STARD13: variants seen among roughly 807,000 people sequenced by gnomAD.
STARD13 encodes the protein StAR related lipid transfer domain containing 13, also known as stAR-related lipid transfer protein 13.
A neutral mutation model predicts 106.4 loss-of-function variants in STARD13; 62 were observed. That is an observed-to-expected ratio of 0.58 (90% CI 0.48 to 0.72). The LOEUF is 0.72. STARD13 is among the 30% of genes least tolerant of loss of function. STARD13 has a pLI of 0.00. For missense variants in STARD13, 1,387 were observed against 1,424.0 expected (o/e 0.97, Z 0.42); for synonymous variants, 565 against 553.0 (o/e 1.02, Z -0.31).
At chr13:33,163,568 C>T (rs1489847628) in intron 3 of STARD13, among the ~76,000 whole-genome samples, 12 of 116,578 alleles carry the variant, frequency 1.0e-4, no homozygotes, top group East Asian at 4.8e-4. Flanking sequence ...CCAGCCTGGG[C>T]GACAGAGCAA....
At chr13:33,341,735 G>C (rs1282322786) in intron 1 of STARD13, among the ~76,000 whole-genome samples, 2 of 152,124 alleles carry the variant, frequency 1.3e-5, no homozygotes, top group Non-Finnish European at 2.9e-5. Context: ...TGCCCCCCAG[G>C]GTGGGCCAGC....
chr13:33,141,265 A>T (rs1879790778), intron 4 of STARD13, among the ~76,000 whole-genome samples: 1 of 152,210 alleles, frequency 6.6e-6, no homozygotes, highest in African/African-American at 2.4e-5. Flanking sequence ...GACACCTCCG[A>T]GGTAGAAACC....
rs1306498273 is a variant in STARD13 at position 33,129,784 on chromosome 13, A to C, written c.893T>G (p.Phe298Cys). ...TATTTGGATGCACTGCATAGCCTTA[A>C]AGGACTCTGGCTCCTGCTGCAACAT... is the stretch of plus-strand genomic sequence containing the variant. ...GPMLQQEPES[F>C]KAMQCIQIPN... The change falls in exon 5 of 14, where the codon TTT (phenylalanine) becomes TGT (cysteine). Residue 298 changes from phenylalanine (F) to cysteine (C), a missense_variant. Transcript: ENST00000336934. 1 of 1,613,900 alleles carries C rather than the reference A, an allele frequency of 6.2e-7. No individual in the cohort carries two copies. Among genetic ancestry groups the C allele is most frequent in the Admixed American group, 1.7e-5 (1 of 60,016 alleles).
chr13:33,639,382 A>G, the STARD13 span, among the ~76,000 whole-genome samples: 3,049 of 152,316 alleles, frequency 0.02, 96 homozygotes, highest in African/African-American at 0.069. Flanking sequence ...TCAAAGTTGC[A>G]CAAGAACAGC....
intron 1 of STARD13, among the ~76,000 whole-genome samples, chr13:33,315,482 C>T (rs949338013): frequency 3.3e-5 from 5 of 152,102 alleles, no homozygotes; most frequent in African/African-American, 4.8e-5. Context: ...TGAATGGCCA[C>T]CCCCAGAGTG....
At chr13:33,313,465 T>A (rs989296153) in intron 1 of STARD13, among the ~76,000 whole-genome samples, 4 of 152,196 alleles carry the variant, frequency 2.6e-5, no homozygotes, top group Admixed American at 6.5e-5. Context: ...CATATGATGC[T>A]GACCCTTGCC....
the STARD13 span, among the ~76,000 whole-genome samples, chr13:33,536,853 G>C: frequency 6.6e-6 from 1 of 152,190 alleles, no homozygotes; most frequent in South Asian, 2.1e-4. Context: ...CTGGAGCAGA[G>C]TTCAGGTTCC....
At chr13:33,367,992 A>G in the STARD13 span, among the ~76,000 whole-genome samples, 1 of 152,098 alleles carries the variant, frequency 6.6e-6, no homozygotes, top group Non-Finnish European at 1.5e-5. Context: ...TAACTATAAG[A>G]ACTCTCCCCA....
At chr13:33,292,427 CAAA>C (rs58278434) in intron 1 of STARD13, among the ~76,000 whole-genome samples, 1 of 113,184 alleles carries the variant, frequency 8.8e-6, no homozygotes, top group East Asian at 2.5e-4. Flanking sequence ...CCCATCTCTA[CAAA>C]AAAAAAAAAA....
chr13:33,178,798 T>C (rs769891932), intron 1 of STARD13, among the ~76,000 whole-genome samples: 4 of 152,216 alleles, frequency 2.6e-5, no homozygotes, highest in Admixed American at 6.5e-5. Flanking sequence ...TCCTGGTTGC[T>C]GAAGTTTCAA....
At chr13:33,120,406 G>C (rs1876097505) in intron 7 of STARD13, among the ~76,000 whole-genome samples, 1 of 152,050 alleles carries the variant, frequency 6.6e-6, no homozygotes, top group Admixed American at 6.5e-5. Context: ...AATTATTTTA[G>C]ACATGTCTGC....
At chr13:33,139,029 T>C (rs917158879) in intron 4 of STARD13, among the ~76,000 whole-genome samples, 1 of 152,120 alleles carries the variant, frequency 6.6e-6, no homozygotes, top group African/African-American at 2.4e-5. Flanking sequence ...CATTCTTCCT[T>C]GTGTCAGCCC....
the STARD13 span, among the ~76,000 whole-genome samples, chr13:33,383,014 T>C: frequency 6.6e-6 from 1 of 152,238 alleles, no homozygotes; most frequent in Non-Finnish European, 1.5e-5. Context: ...GCCTAGTGGG[T>C]CTGGGCTGGT....
At chr13:33,449,985 T>C in the STARD13 span, among the ~76,000 whole-genome samples, 3 of 152,172 alleles carry the variant, frequency 2.0e-5, no homozygotes, top group Non-Finnish European at 2.9e-5. Context: ...TTTTTTTGTG[T>C]GAAGTACGGG....
At chr13:33,324,403 G>A (rs1893666597) in intron 1 of STARD13, among the ~76,000 whole-genome samples, 2 of 152,134 alleles carry the variant, frequency 1.3e-5, no homozygotes, top group South Asian at 4.1e-4. Flanking sequence ...ACTGAACTTA[G>A]AAACTGGATT....
At chr13:33,499,600 CTTCT>C in the STARD13 span, among the ~76,000 whole-genome samples, 297 of 65,434 alleles carry the variant, frequency 4.5e-3, 3 homozygotes, top group African/African-American at 7.1e-3. Context: ...TCTTCTTCTT[CTTCT>C]TTCTTCTTCT....
intron 1 of STARD13, among the ~76,000 whole-genome samples, chr13:33,317,047 C>T (rs1285285933): frequency 1.3e-5 from 2 of 152,186 alleles, no homozygotes; most frequent in Admixed American, 6.5e-5. Context: ...TTGAGACATT[C>T]TTCCCTTGCT....
chr13:33,409,817 A>G, the STARD13 span, among the ~76,000 whole-genome samples: 1 of 152,220 alleles, frequency 6.6e-6, no homozygotes, highest in Admixed American at 6.5e-5. Context: ...TTCTTCATTT[A>G]TATTTACCAG....
chr13:33,367,901 C>G, the STARD13 span, among the ~76,000 whole-genome samples: 1 of 152,150 alleles, frequency 6.6e-6, no homozygotes, highest in African/African-American at 2.4e-5. Context: ...ATTTAGTAAT[C>G]TCTCACAATT....
Sources: allele counts gnomAD v4.1 joint callset (sites outside exome capture counted in the v4.1 genomes callset), GRCh38; gene constraint gnomAD v4.1.1; transcripts MANE v1.5; gene names NCBI Gene and HGNC (gene_info 2026-07-23, HGNC 2026-07-21).